Variants in HRK observed in about 807,000 individuals in gnomAD.
HRK encodes the protein harakiri, BCL2 interacting protein, also known as activator of apoptosis harakiri.
Under a neutral mutation model 5.9 loss-of-function variants are expected in HRK, and 6 were observed. The observed-to-expected ratio is 1.02, with a 90% CI of 0.56 to 2.01. The LOEUF is 2.01. Among genes scored for constraint, HRK ranks in the 30% most tolerant of loss-of-function variants. The pLI is 0.00. For synonymous variants in HRK, 85 were observed against 65.1 expected, an observed-to-expected ratio of 1.31 and a Z score of -1.47; for missense variants, 133 against 128.3, an observed-to-expected ratio of 1.04 and a Z score of -0.18.
intron 1 of HRK, among the ~76,000 whole-genome samples, chr12:116,863,812 C>G (rs1461467341): frequency 1.3e-5 from 2 of 152,102 alleles, no homozygotes; most frequent in Non-Finnish European, 2.9e-5. Context: ...GATCCTCCCA[C>G]CTCAGCCTCT....
chr12:116,871,479 A>G lies in HRK; in HGVS notation c.*56+9497T>C, dbSNP rs541029043. 2.8e-5 allele frequency among the ~76,000 whole-genome samples: 4 copies of G among 144,704 alleles called. 1 individual carries two copies. Among genetic ancestry groups the G allele is most frequent in the African/African-American group, 1.0e-4 (4 of 38,816 alleles). The allele number at this position is 144,704 out of a possible 152,430, so 94.9% of individuals were successfully genotyped here. Reference sequence around the variant, plus strand: ...CACCACACCAGGCTAATTTGTTTCTATTTTTAGTAGAGATGGGTTTCACCA... The same window carrying G: ...CACCACACCAGGCTAATTTGTTTCTGTTTTTAGTAGAGATGGGTTTCACCA... On this transcript the variant is annotated intron_variant, in intron 1 of 1. Transcript: ENST00000257572.
chr12:116,870,355 T>G (rs1376208195), intron 1 of HRK, among the ~76,000 whole-genome samples: 1 of 152,176 alleles, frequency 6.6e-6, no homozygotes, highest in Non-Finnish European at 1.5e-5. Context: ...TACTGAGACT[T>G]GGAACCTTTC....
intron 1 of HRK, among the ~76,000 whole-genome samples, chr12:116,877,512 A>T (rs143727795): frequency 1.3e-5 from 2 of 152,340 alleles, no homozygotes; most frequent in African/African-American, 4.8e-5. Flanking sequence ...CTTAACCATT[A>T]TTCTCTCCTG....
intron 1 of HRK, among the ~76,000 whole-genome samples, chr12:116,880,563 C>G (rs1495931): frequency 0.95 from 145,115 of 152,244 alleles, 69,213 homozygotes; most frequent in African/African-American, 0.98. Flanking sequence ...AGGATTGGAA[C>G]GGGACCGGGG....
At chr12:116,875,112 T>C (rs140566909) in intron 1 of HRK, among the ~76,000 whole-genome samples, 22 of 152,216 alleles carry the variant, frequency 1.4e-4, no homozygotes, top group African/African-American at 2.4e-5. Flanking sequence ...ATTAGTTACA[T>C]AGCACTTACA....
Position 116,873,124 on chromosome 12 carries a change from TTTTTG to T in HRK, c.*56+7847_*56+7851del, listed in dbSNP as rs373165953. On this transcript the variant is annotated intron_variant, in intron 1 of 1. Transcript: ENST00000257572. ...CAAGACTACAATTTTCTTTTTCATTTTTTTGTTTTGTTTTGTTTTGTTTTGTTTTG... is the reference window on the plus strand; with the variant it reads ...CAAGACTACAATTTTCTTTTTCATTTTTTTGTTTTGTTTTGTTTTGTTTTG... Among the ~76,000 whole-genome samples the T allele has an allele frequency of 4.3e-3, 656 of 152,016 alleles. 4 individuals carry two copies. The highest frequency in any genetic ancestry group is 0.014 in the African/African-American group (588 of 41,346).
rs536788729 is a variant in HRK at position 116,880,955 on chromosome 12, C to G, written c.*56+21G>C. ...AGTGCCCAGCTGCCGCGCCCCGGCT[C>G]TCGCTCGCTCGCTCGCGTACCTGTT... On this transcript the variant is annotated intron_variant, in intron 1 of 1. Transcript: ENST00000257572. 2.4e-4 allele frequency: 259 copies of G among 1,094,038 alleles called. No individual in the cohort carries two copies. The African/African-American group carries it at 3.9e-3, about 16-fold the overall frequency. The allele number at this position is 1,094,038 out of a possible 1,614,324, so 67.8% of individuals were successfully genotyped here.
At position 116,881,139 on chromosome 12, in the gene HRK, G is replaced by T. The variant is rs1411903506; in HGVS notation, c.169C>A (p.Arg57=). Residue 57 remains arginine (R), a synonymous_variant, in exon 1 of 2, where the codon CGG becomes AGG. Coordinates refer to ENST00000257572, the MANE Select transcript of HRK (RefSeq NM_003806.4). The part of the protein sequence containing the change: ...RTMWRRRARS[R]RAPAPGALPT... Reference sequence around the variant, plus strand: ...AGCGCGCCGGGCGCCGGCGCCCTCCGGCTCCGCGCGCGGCGCCGCCACATG... The same window carrying T: ...AGCGCGCCGGGCGCCGGCGCCCTCCTGCTCCGCGCGCGGCGCCGCCACATG... 2 of 1,197,172 alleles carry T rather than the reference G, an allele frequency of 1.7e-6. No homozygotes were observed. The highest frequency in any genetic ancestry group is 3.9e-5 in the South Asian group (1 of 25,420). The allele number at this position is 1,197,172 out of a possible 1,614,324, so 74.2% of individuals were successfully genotyped here. A position where few individuals can be genotyped will look rare whatever the true frequency, so the allele number is the denominator to read the frequency against.
chr12:116,864,748 C>T (rs1413610547), intron 1 of HRK, among the ~76,000 whole-genome samples: 3 of 152,056 alleles, frequency 2.0e-5, no homozygotes, highest in Non-Finnish European at 4.4e-5. Context: ...TTGCATAAGC[C>T]CAGGAGTTTG....
At chr12:116,877,431 AT>A (rs1185992865) in intron 1 of HRK, among the ~76,000 whole-genome samples, 2 of 152,162 alleles carry the variant, frequency 1.3e-5, no homozygotes, top group Non-Finnish European at 2.9e-5. Flanking sequence ...CAGTTTACAG[AT>A]AAAGGTGCAG....
At position 116,856,549 on chromosome 12, in the gene HRK, C is replaced by T. The variant is rs923825825; in HGVS notation, c.*4974G>A. On this transcript the variant is annotated 3_prime_UTR_variant, in exon 2 of 2. Coordinates refer to ENST00000257572, the MANE Select transcript of HRK (RefSeq NM_003806.4). This position sits in a 1 kb window ranked among gnomAD's most constrained non-coding sequence, Gnocchi z 4.4. The stretch of plus-strand genomic sequence containing the variant: ...AGAAACCAGGAACACAGGGTTAGGG[C>T]ATGAGTATATAAAATCCACAACGAA... 1 of 152,246 alleles carries T rather than the reference C, an allele frequency of 6.6e-6. No homozygotes were observed. The highest frequency in any genetic ancestry group is 1.5e-5 in the Non-Finnish European group (1 of 68,052). 9.4% of individuals were successfully genotyped at this position (152,246 alleles called of 1,614,324 possible). A position where few individuals can be genotyped will look rare whatever the true frequency, so the allele number is the denominator to read the frequency against.
intron 1 of HRK, among the ~76,000 whole-genome samples, chr12:116,874,175 G>A (rs983383027): frequency 6.6e-6 from 1 of 152,140 alleles, no homozygotes; most frequent in Admixed American, 6.5e-5. Context: ...GGTCACCTGA[G>A]GGCTGTGGCT....
chr12:116,857,917 G>A lies in HRK; in HGVS notation c.*3606C>T, dbSNP rs1363866746. Reference sequence around the variant, plus strand: ...AAAAATACAAAAATTAGCCGAGCGTGGTGGTGGGTGCCTGTAATCCCAGCT... The same window carrying A: ...AAAAATACAAAAATTAGCCGAGCGTAGTGGTGGGTGCCTGTAATCCCAGCT... On this transcript the variant is annotated 3_prime_UTR_variant, in exon 2 of 2. Coordinates refer to ENST00000257572, the MANE Select transcript of HRK (RefSeq NM_003806.4). 6.6e-6 allele frequency: 1 copy of A among 152,080 alleles called. No individual in the cohort carries two copies. Among genetic ancestry groups the A allele is most frequent in the African/African-American group, 2.4e-5 (1 of 41,396 alleles). 9.4% of individuals were successfully genotyped at this position (152,080 alleles called of 1,614,324 possible).
chr12:116,881,292 G>A lies in HRK; in HGVS notation c.16C>T (p.Leu6=). The part of the protein sequence containing the change: MCPCP[L]HRGRGPPAVC... ...GCCGGGGGGCCGCGGCCGCGGTGCA[G>A]GGGGCACGGGCACATGACCGCTGGC... The change falls in exon 1 of 2, where the codon CTG becomes TTG. Residue 6 remains leucine, a synonymous_variant. Transcript: ENST00000257572. The A allele has an allele frequency of 9.3e-7, 1 of 1,070,850 alleles. No individual in the cohort carries two copies. Among genetic ancestry groups the A allele is most frequent in the Non-Finnish European group, 1.1e-6 (1 of 886,932 alleles). The allele number at this position is 1,070,850 out of a possible 1,614,324, so 66.3% of individuals were successfully genotyped here. A position where few individuals can be genotyped will look rare whatever the true frequency, so the allele number is the denominator to read the frequency against.
chr12:116,869,767 G>C (rs77636559), intron 1 of HRK: 2 of 152,192 alleles, frequency 1.3e-5, no homozygotes, highest in African/African-American at 4.8e-5. Context: ...TTCTAAGTCT[G>C]AGCTATCTTT....
chr12:116,867,142 C>CT (rs1273115320), intron 1 of HRK, among the ~76,000 whole-genome samples: 504 of 137,000 alleles, frequency 3.7e-3, no homozygotes, highest in Non-Finnish European at 4.2e-3. Context: ...CAAAAAAAAA[C>CT]TTTTTTTTTT....
At chr12:116,880,471 T>C (rs568739393) in intron 1 of HRK, among the ~76,000 whole-genome samples, 50 of 151,870 alleles carry the variant, frequency 3.3e-4, no homozygotes, top group Non-Finnish European at 6.5e-4. Flanking sequence ...ATAATGGGGA[T>C]CAGAGATTGG....
chr12:116,877,837 A>G (rs1362122592), intron 1 of HRK, among the ~76,000 whole-genome samples: 11 of 152,162 alleles, frequency 7.2e-5, no homozygotes, highest in Non-Finnish European at 1.6e-4. Flanking sequence ...TTCTGAGAAA[A>G]GTATTGCTGG....
At chr12:116,876,504 C>T (rs534534428) in intron 1 of HRK, among the ~76,000 whole-genome samples, 8 of 152,264 alleles carry the variant, frequency 5.3e-5, no homozygotes, top group African/African-American at 1.9e-4. Flanking sequence ...TGCCACTGAC[C>T]ACGTCGCCTT....
Sources: gnomAD v4.1 joint callset for allele counts (sites outside exome capture counted in the v4.1 genomes callset) on GRCh38, gnomAD v4.1.1 for gene constraint, Gnocchi (gnomAD v3.1) non-coding constraint, MANE v1.5 for transcripts, NCBI Gene and HGNC (gene_info 2026-07-23, HGNC 2026-07-21) for gene names.